The following CNTNAP2 variants were observed in gnomAD, a reference collection of about 807,000 sequenced individuals.
CNTNAP2 encodes contactin associated protein 2, also known as contactin-associated protein-like 2.
CNTNAP2 carries 98 observed loss-of-function variants against 155.2 expected under a neutral mutation model. The observed-to-expected ratio is 0.63, with a 90% CI of 0.54 to 0.75. The LOEUF is 0.75. Ranked by LOEUF, CNTNAP2 falls within the 30% of genes least tolerant of loss-of-function variation. CNTNAP2 has a pLI of 0.00. For synonymous variants in CNTNAP2, 651 were observed against 631.2 expected (o/e 1.03, Z -0.47); for missense variants, 1,727 against 1,688.1 (o/e 1.02, Z -0.40).
At chr7:147,207,727 G>A (rs1803051302) in intron 8 of CNTNAP2, among the ~76,000 whole-genome samples, 1 of 152,070 alleles carries the variant, frequency 6.6e-6, no homozygotes, top group Non-Finnish European at 1.5e-5. Flanking sequence ...CAGTGATATT[G>A]TCATGTATTC....
At chr7:146,474,250 A>G (rs1425749803) in intron 1 of CNTNAP2, among the ~76,000 whole-genome samples, 1 of 149,882 alleles carries the variant, frequency 6.7e-6, no homozygotes, top group East Asian at 1.9e-4. Context: ...CAAATAAACT[A>G]TTTGTTTCTG....
intron 14 of CNTNAP2, among the ~76,000 whole-genome samples, chr7:147,930,764 GA>G (rs1326277535): frequency 6.6e-6 from 1 of 152,060 alleles, no homozygotes; most frequent in Non-Finnish European, 1.5e-5. Context: ...AACACACACA[GA>G]ACATTCTCCA....
At chr7:147,029,327 A>AT (rs932806512) in intron 3 of CNTNAP2, among the ~76,000 whole-genome samples, 52 of 151,212 alleles carry the variant, frequency 3.4e-4, no homozygotes, top group African/African-American at 1.2e-3. Context: ...TTCAAGAAGA[A>AT]TTTTAAAAAA....
chr7:146,645,830 G>C (rs1799802276), intron 1 of CNTNAP2, among the ~76,000 whole-genome samples: 1 of 151,950 alleles, frequency 6.6e-6, no homozygotes, highest in African/African-American at 2.4e-5. Context: ...TTTGTGGTTA[G>C]GGTGGGGAAC....
chr7:146,314,677 C>T (rs970833141), intron 1 of CNTNAP2, among the ~76,000 whole-genome samples: 2 of 152,106 alleles, frequency 1.3e-5, no homozygotes, highest in African/African-American at 4.8e-5. Context: ...CAAGCAAAGA[C>T]TGTAAAAGTT....
chr7:146,683,630 T>C (rs1305930594), intron 1 of CNTNAP2, among the ~76,000 whole-genome samples: 1 of 152,150 alleles, frequency 6.6e-6, no homozygotes, highest in Non-Finnish European at 1.5e-5. Flanking sequence ...GCATTTATTG[T>C]GTGTTGTGCA....
Position 147,032,404 on chromosome 7 carries a change from A to G in CNTNAP2, c.403-11503A>G, listed in dbSNP as rs1002853421. ...ATATGATACATGACCAATGGAATGT[A>G]TGCAGAAGTGATATTTTCTTCATCA... On this transcript the variant is annotated intron_variant, in intron 3 of 23. Transcript: ENST00000361727. Among the ~76,000 whole-genome samples the G allele has an allele frequency of 7.2e-5, 11 of 152,338 alleles. No individual in the cohort carries two copies. In the East Asian group the frequency reaches 2.1e-3, roughly 29 times the overall value.
intron 8 of CNTNAP2, among the ~76,000 whole-genome samples, chr7:147,265,931 G>C (rs370939944): frequency 1.7e-4 from 26 of 152,132 alleles, no homozygotes; most frequent in African/African-American, 5.8e-4. Flanking sequence ...ACTATTGAAA[G>C]AAAAACAAAA....
At chr7:146,945,235 C>T (rs912553523) in intron 3 of CNTNAP2, among the ~76,000 whole-genome samples, 4 of 152,210 alleles carry the variant, frequency 2.6e-5, no homozygotes, top group African/African-American at 7.2e-5. Context: ...TAGCTGGAAG[C>T]ATCTCCTTTA....
intron 1 of CNTNAP2, among the ~76,000 whole-genome samples, chr7:146,465,856 A>G (rs564088784): frequency 6.6e-6 from 1 of 152,298 alleles, no homozygotes; most frequent in East Asian, 1.9e-4. Flanking sequence ...AAATCTAGTT[A>G]TTGAAATCAA....
chr7:148,257,803 C>T (rs1796480243), intron 20 of CNTNAP2, among the ~76,000 whole-genome samples: 1 of 152,160 alleles, frequency 6.6e-6, no homozygotes, highest in Admixed American at 6.5e-5. Flanking sequence ...AGCTCACTCA[C>T]TCAAACTCGA....
chr7:146,290,341 C>T (rs139048184), intron 1 of CNTNAP2, among the ~76,000 whole-genome samples: 157 of 152,244 alleles, frequency 1.0e-3, no homozygotes, highest in African/African-American at 3.4e-3. Flanking sequence ...TTAGCAAACC[C>T]TATCAGTTAT....
At chr7:147,062,612 T>A (rs919243628) in intron 4 of CNTNAP2, among the ~76,000 whole-genome samples, 3 of 152,190 alleles carry the variant, frequency 2.0e-5, no homozygotes, top group Non-Finnish European at 2.9e-5. Flanking sequence ...CTTCATAGAT[T>A]TGTCATGAAG....
chr7:146,674,111 A>AATGC (rs1183514336), intron 1 of CNTNAP2, among the ~76,000 whole-genome samples: 1 of 152,178 alleles, frequency 6.6e-6, no homozygotes, highest in Middle Eastern at 3.2e-3. Flanking sequence ...TGACTGAATG[A>AATGC]ATGCATGAAG....
At chr7:146,598,510 G>A (rs1441980869) in intron 1 of CNTNAP2, among the ~76,000 whole-genome samples, 1 of 151,964 alleles carries the variant, frequency 6.6e-6, no homozygotes, top group East Asian at 1.9e-4. Context: ...AATATGTCTT[G>A]TCAGTGTTAC....
At chr7:147,793,542 T>C (rs1797851199) in intron 13 of CNTNAP2, among the ~76,000 whole-genome samples, 1 of 152,142 alleles carries the variant, frequency 6.6e-6, no homozygotes, top group Non-Finnish European at 1.5e-5. Flanking sequence ...TCTATTTTTA[T>C]GCCAATACCA....
intron 9 of CNTNAP2, among the ~76,000 whole-genome samples, chr7:147,368,267 T>G (rs1466595843): frequency 6.6e-6 from 1 of 151,732 alleles, no homozygotes; most frequent in Non-Finnish European, 1.5e-5. Context: ...AGGTTCAGGG[T>G]CATTCTGGAC....
intron 20 of CNTNAP2, among the ~76,000 whole-genome samples, chr7:148,237,116 G>A (rs1796054938): frequency 6.6e-6 from 1 of 152,142 alleles, no homozygotes; most frequent in African/African-American, 2.4e-5. Context: ...TTACCACAAA[G>A]CCAATGCTAC....
intron 9 of CNTNAP2, among the ~76,000 whole-genome samples, chr7:147,369,335 G>A (rs1340346800): frequency 6.6e-6 from 1 of 152,138 alleles, no homozygotes; most frequent in Admixed American, 6.5e-5. Flanking sequence ...TCTCCCCCAA[G>A]CTAAACGTGT....
Sources: allele counts gnomAD v4.1 joint callset (sites outside exome capture counted in the v4.1 genomes callset), GRCh38; gene constraint gnomAD v4.1.1; transcripts MANE v1.5; gene names NCBI Gene and HGNC (gene_info 2026-07-23, HGNC 2026-07-21).